Variants in ESRRB observed in about 807,000 individuals in gnomAD.
ESRRB encodes steroid hormone receptor ERR2.
A neutral mutation model predicts 46.0 loss-of-function variants in ESRRB; 16 were observed. The ratio of observed to expected loss-of-function variants is 0.35; its 90% CI spans 0.24 to 0.53. The LOEUF (loss-of-function observed/expected upper bound fraction) is 0.53. ESRRB is among the 20% of genes least tolerant of loss of function. ESRRB has a pLI of 0.93. For missense variants in ESRRB, 488 were observed against 607.4 expected (o/e 0.80, Z 2.07); for synonymous variants, 246 against 259.6 (o/e 0.95, Z 0.50).
chr14:76,461,151 T>C (rs1323222461), intron 2 of ESRRB, among the ~76,000 whole-genome samples: 2 of 152,096 alleles, frequency 1.3e-5, no homozygotes. Context: ...AGTCACAGCC[T>C]CTCCTGACTG....
chr14:76,483,341 T>C (rs1474057199), intron 5 of ESRRB, among the ~76,000 whole-genome samples: 1 of 152,198 alleles, frequency 6.6e-6, no homozygotes, highest in South Asian at 2.1e-4. Flanking sequence ...GTGTGTGAAG[T>C]GTTCGGCACA....
At chr14:76,441,143 C>G (rs1199575443) in intron 2 of ESRRB, among the ~76,000 whole-genome samples, 1 of 152,156 alleles carries the variant, frequency 6.6e-6, no homozygotes, top group African/African-American at 2.4e-5. Context: ...GCCTTGAACT[C>G]CTGGGCTCAA....
At chr14:76,441,499 A>G (rs977008491) in intron 2 of ESRRB, among the ~76,000 whole-genome samples, 1 of 151,968 alleles carries the variant, frequency 6.6e-6, no homozygotes, top group Non-Finnish European at 1.5e-5. Flanking sequence ...TTTAATAGAG[A>G]TGGAGTCTCA....
chr14:76,339,139 T>G (rs1313781779), intron 1 of ESRRB, among the ~76,000 whole-genome samples: 1 of 152,188 alleles, frequency 6.6e-6, no homozygotes, highest in Non-Finnish European at 1.5e-5. Flanking sequence ...AAAAAATCTT[T>G]TAAATAATGT....
chr14:76,432,401 C>G (rs577976341), intron 1 of ESRRB, among the ~76,000 whole-genome samples: 1 of 152,194 alleles, frequency 6.6e-6, no homozygotes, highest in Admixed American at 6.5e-5. Flanking sequence ...CCTGGAGAAC[C>G]TTTGCGTCCC....
chr14:76,401,387 G>A (rs571460483), intron 1 of ESRRB, among the ~76,000 whole-genome samples: 120 of 152,274 alleles, frequency 7.9e-4, no homozygotes, highest in Non-Finnish European at 1.4e-3. Flanking sequence ...AGCCCTCTTC[G>A]ATTCTGACCT....
At chr14:76,351,172 T>C (rs898906717) in intron 1 of ESRRB, among the ~76,000 whole-genome samples, 1 of 152,160 alleles carries the variant, frequency 6.6e-6, no homozygotes, top group African/African-American at 2.4e-5. Context: ...ACCATCCCCA[T>C]GAATGGAAAA....
intron 2 of ESRRB, among the ~76,000 whole-genome samples, chr14:76,444,624 A>T (rs1419958752): frequency 6.6e-6 from 1 of 152,040 alleles, no homozygotes; most frequent in Non-Finnish European, 1.5e-5. Context: ...GGCCTCAAGC[A>T]ATTCTCTTGC....
At chr14:76,492,233 A>AGG (rs1890260182) in intron 6 of ESRRB, among the ~76,000 whole-genome samples, 1 of 152,206 alleles carries the variant, frequency 6.6e-6, no homozygotes, top group Non-Finnish European at 1.5e-5. Flanking sequence ...GCTTGATCCT[A>AGG]GCTCACTGCA....
chr14:76,368,294 T>C (rs549268441), upstream of ESRRB, among the ~76,000 whole-genome samples: 3 of 152,202 alleles, frequency 2.0e-5, no homozygotes, highest in East Asian at 5.8e-4. Flanking sequence ...TCAAAGCAAG[T>C]GCCTCAGAGG....
chr14:76,409,316 G>A (rs1886332345), intron 1 of ESRRB, among the ~76,000 whole-genome samples: 1 of 152,132 alleles, frequency 6.6e-6, no homozygotes, highest in South Asian at 2.1e-4. Flanking sequence ...ATGACAAGCA[G>A]CCTAAATGGG....
At chr14:76,363,918 C>T (rs377306882) in intron 1 of ESRRB, among the ~76,000 whole-genome samples, 13 of 152,296 alleles carry the variant, frequency 8.5e-5, no homozygotes, top group African/African-American at 1.4e-4. Context: ...AGAATCTTAT[C>T]CCCAGAGCTT....
chr14:76,338,158 A>T (rs963521302), intron 1 of ESRRB, among the ~76,000 whole-genome samples: 1 of 152,252 alleles, frequency 6.6e-6, no homozygotes, highest in Non-Finnish European at 1.5e-5. Flanking sequence ...CTGCTCCAGA[A>T]ACGCATTAAA....
At chr14:76,318,948 A>G (rs952111941) in intron 1 of ESRRB, among the ~76,000 whole-genome samples, 1 of 152,180 alleles carries the variant, frequency 6.6e-6, no homozygotes, top group Non-Finnish European at 1.5e-5. Context: ...GGTTTAAAAC[A>G]TGCTCTCATC....
At chr14:76,413,476 G>A (rs141228780) in intron 1 of ESRRB, among the ~76,000 whole-genome samples, 1 of 152,206 alleles carries the variant, frequency 6.6e-6, no homozygotes, top group East Asian at 1.9e-4. Flanking sequence ...TTCTTGGCCT[G>A]GCAAACACCT....
intron 3 of ESRRB, among the ~76,000 whole-genome samples, chr14:76,472,530 C>T (rs188103279): frequency 3.3e-5 from 5 of 152,330 alleles, no homozygotes; most frequent in East Asian, 3.9e-4. Context: ...TCTGCCTTTA[C>T]GGTGTGTCAC....
At chr14:76,490,980 C>T (rs564009993) in intron 5 of ESRRB, among the ~76,000 whole-genome samples, 24 of 152,224 alleles carry the variant, frequency 1.6e-4, no homozygotes, top group Middle Eastern at 3.4e-3. Context: ...GAGACTGCAT[C>T]AAGGATCAGG....
At chr14:76,439,000 T>C (rs1425170838) in intron 1 of ESRRB, among the ~76,000 whole-genome samples, 6 of 151,802 alleles carry the variant, frequency 4.0e-5, no homozygotes, top group Non-Finnish European at 5.9e-5. Context: ...GGTCTCCCTA[T>C]GTTGCCCAGG....
At chr14:76,337,473 G>A (rs528205870) in intron 1 of ESRRB, among the ~76,000 whole-genome samples, 3 of 152,188 alleles carry the variant, frequency 2.0e-5, no homozygotes, top group Admixed American at 1.3e-4. Context: ...CTCATACATC[G>A]TGACTTCCTC....
Sources: gnomAD v4.1 joint callset for allele counts (sites outside exome capture counted in the v4.1 genomes callset) on GRCh38, gnomAD v4.1.1 for gene constraint, MANE v1.5 for transcripts, NCBI Gene and HGNC (gene_info 2026-07-23, HGNC 2026-07-21) for gene names.